Variants in KMT2B observed in about 807,000 individuals in gnomAD.
KMT2B encodes the protein lysine methyltransferase 2B.
In KMT2B, 22 loss-of-function variants were observed where a neutral mutation model predicts 255.3. That is an observed-to-expected ratio of 0.09 (90% CI 0.06 to 0.12). KMT2B has a LOEUF of 0.12. KMT2B is among the 10% of genes least tolerant of loss of function. The pLI is 1.00. For synonymous variants in KMT2B, 1,730 were observed against 1,498.1 expected, an observed-to-expected ratio of 1.15 and a Z score of -3.57; for missense variants, 3,149 against 3,737.0, an observed-to-expected ratio of 0.84 and a Z score of 4.10.
chr19:35,736,386 T>G (rs1191955485), intron 30 of KMT2B: 1 of 353,592 alleles, frequency 2.8e-6, no homozygotes, highest in South Asian at 5.8e-5. Flanking sequence ...ATGGGATGTA[T>G]GGTACACTGG....
In KMT2B at chr19:35,733,535, A is replaced by G; in HGVS notation, c.6959+27A>G. 1 of 1,554,002 alleles carries G rather than the reference A, an allele frequency of 6.4e-7. No homozygotes were observed. The highest frequency in any genetic ancestry group is 8.7e-7 in the Non-Finnish European group (1 of 1,148,772). The stretch of plus-strand genomic sequence containing the variant: ...TGAGTGCGGGTGCTGAGGCTGGCAG[A>G]GCAGGCAAGGGGGCAGATGGGCGGG... On this transcript the variant is annotated intron_variant, in intron 28 of 36. Transcript: ENST00000420124. This position sits in a 1 kb window ranked among gnomAD's most constrained non-coding sequence, Gnocchi z 4.3.
chr19:35,719,632 C>A, intron 2 of KMT2B, 91 bp downstream of exon 2: 2 of 1,499,658 alleles, frequency 1.3e-6, no homozygotes, highest in South Asian at 1.2e-5. Context: ...TAGCCTCTGT[C>A]AGTTGCCGAA....
rs371152795 is a variant in KMT2B at position 35,727,742 on chromosome 19, G to C, written c.4347G>C (p.Leu1449=). 2 of 1,613,750 alleles carry C rather than the reference G, an allele frequency of 1.2e-6. No individual in the cohort carries two copies. The highest frequency in any genetic ancestry group is 1.7e-6 in the Non-Finnish European group (2 of 1,179,900). The part of the protein sequence containing the change: ...GKQLHPGPCG[L]QAVSQRFEDG... Reference sequence around the variant, plus strand: ...AACTGCACCCAGGACCCTGCGGCCTGCAAGCTGTGAGTCAGCGCTTCGAGG... The same window carrying C: ...AACTGCACCCAGGACCCTGCGGCCTCCAAGCTGTGAGTCAGCGCTTCGAGG... The change falls in exon 17 of 37, where the codon CTG becomes CTC. Residue 1449 remains leucine (L), a synonymous_variant. Transcript: ENST00000420124. This position sits in a 1 kb window ranked among gnomAD's most constrained non-coding sequence, Gnocchi z 4.2.
Position 35,719,555 on chromosome 19 carries a change from G to A in KMT2B, c.436+14G>A. ...GATCCCAGCGAGGTGAGTGACGGGG[G>A]AACTCCACCTCTTTAGCGTCACAGG... On this transcript the variant is annotated intron_variant, in intron 2 of 36. Transcript: ENST00000420124. The A allele has an allele frequency of 1.9e-6, 3 of 1,580,570 alleles. No homozygotes were observed. Among genetic ancestry groups the A allele is most frequent in the African/African-American group, 1.4e-5 (1 of 74,072 alleles).
In KMT2B at chr19:35,720,183, C is replaced by T; in HGVS notation, c.836C>T (p.Pro279Leu). ...GGGCCCGGTCCAGGACCTGGGACCC[C>T]CAGGCGTGGAGGACAGTCAAGCCGT... ...KEGPGPGPGT[P>L]RRGGQSSRGG... The change falls in exon 3 of 37, where the codon CCC becomes CTC. Residue 279 changes from proline to leucine, a missense_variant. Pro to Leu is a moderately conservative substitution (Grantham distance 98). Coordinates refer to ENST00000420124, the MANE Select transcript of KMT2B (RefSeq NM_014727.3). 1.9e-6 allele frequency: 3 copies of T among 1,606,228 alleles called. No homozygotes were observed. The highest frequency in any genetic ancestry group is 1.7e-6 in the Non-Finnish European group (2 of 1,176,778).
rs1395958456 is a variant in KMT2B, at chr19:35,721,954, C to G, written c.2457+150C>G. On this transcript the variant is annotated intron_variant, in intron 3 of 36. Coordinates refer to ENST00000420124, the MANE Select transcript of KMT2B (RefSeq NM_014727.3). ...CTGTGATCCCCCACCTTCCTTTGTT[C>G]CTCCCCAGACCTGGCCCTTCTCTGT... 29 of 1,066,626 alleles carry G rather than the reference C, an allele frequency of 2.7e-5. No homozygotes were observed. The South Asian group carries it at 3.5e-4, about 13-fold the overall frequency. The allele number at this position is 1,066,626 out of a possible 1,614,324, so 66.1% of individuals were successfully genotyped here.
At chr19:35,730,264 C>T (rs780830369) in intron 23 of KMT2B, 78 bp from the exon 24 acceptor site, 97 of 1,601,528 alleles carry the variant, frequency 6.1e-5, no homozygotes, top group Non-Finnish European at 7.6e-5. Context: ...TTAGGCCAAG[C>T]CCCTGACTGT....
Position 35,738,680 on chromosome 19 carries a change from G to A in KMT2B, c.*123G>A. On this transcript the variant is annotated 3_prime_UTR_variant, in exon 37 of 37. Coordinates refer to ENST00000420124, the MANE Select transcript of KMT2B (RefSeq NM_014727.3). The surrounding 1 kb of genome is among the most constrained non-coding windows in gnomAD (Gnocchi z 8.7). ...CACCCCCACCCTCATGTTCAGGGTG[G>A]ATGTGGGCATGCAGGTGACAAGGGC... 1 of 1,141,918 alleles carries A rather than the reference G, an allele frequency of 8.8e-7. No homozygotes were observed. The highest frequency in any genetic ancestry group is 1.6e-5 in the South Asian group (1 of 63,004). 70.7% of individuals were successfully genotyped at this position (1,141,918 alleles called of 1,614,324 possible). A position where few individuals can be genotyped will look rare whatever the true frequency, so the allele number is the denominator to read the frequency against.
rs1969792797 is a variant in KMT2B, at chr19:35,733,319, C to T, written c.6770C>T (p.Pro2257Leu). ...GTCCGCCCTGCCCCGCCCCCGCCAC[C>T]CCCTCCCCTGACGCTGGTGCTGAGC... Reference protein sequence around the residue: ...GVVRPAPPPPPPPLTLVLSSG... With the variant: ...GVVRPAPPPPLPPLTLVLSSG... Residue 2257 changes from proline (P) to leucine (L), a missense_variant, in exon 28 of 37, where the codon CCC becomes CTC. Physicochemically the swap from Pro to Leu is moderately conservative, Grantham distance 98 (BLOSUM62 -3). Transcript: ENST00000420124. The surrounding 1 kb of genome is among the most constrained non-coding windows in gnomAD (Gnocchi z 4.3). 19 of 1,516,464 alleles carry T rather than the reference C, an allele frequency of 1.3e-5. No homozygotes were observed. The highest frequency in any genetic ancestry group is 1.7e-5 in the Non-Finnish European group (19 of 1,118,824). 93.9% of individuals were successfully genotyped at this position (1,516,464 alleles called of 1,614,324 possible).
intron 23 of KMT2B, 36 bp downstream of exon 23, chr19:35,730,161 C>T (rs749807025): frequency 3.1e-6 from 5 of 1,612,004 alleles, no homozygotes; most frequent in East Asian, 2.2e-5. Flanking sequence ...GTTCCTTCCC[C>T]ACCTCTCTTC....
In KMT2B at chr19:35,737,238, G is replaced by A; in HGVS notation, c.7525G>A (p.Ala2509Thr). 2 of 1,553,568 alleles carry A rather than the reference G, an allele frequency of 1.3e-6. No homozygotes were observed. Among genetic ancestry groups the A allele is most frequent in the Non-Finnish European group, 1.7e-6 (2 of 1,150,064 alleles). Residue 2509 changes from alanine to threonine, a missense_variant, in exon 33 of 37, where the codon GCT (alanine) becomes ACT (threonine). Around this residue, in one of 18 missense-constraint regions of KMT2B, gnomAD observed 103 missense variants for 200.7 expected, o/e 0.51. Transcript: ENST00000420124. The surrounding 1 kb of genome is among the most constrained non-coding windows in gnomAD (Gnocchi z 5.3). ...GGAGCCGCCCCTGAATCCCCATGGG[G>A]CTGCTCGGGCAGAGGTCTATCTCCG... ...QEEPPLNPHG[A>T]ARAEVYLRKC...
At chr19:35,722,757 A>T (rs1466443722) in intron 5 of KMT2B, 39 bp downstream of exon 5, 1 of 1,548,288 alleles carries the variant, frequency 6.5e-7, no homozygotes, top group Non-Finnish European at 8.7e-7. Context: ...AGGTTTGGGG[A>T]TGACCCCACA....
In KMT2B at chr19:35,732,408, T is replaced by G. The variant is rs747947818; in HGVS notation, c.5859T>G (p.Pro1953=). ...CCTCAGTCGTCACAGCCCTCACACC[T>G]ACCTCAGGGGAGCTGGCTCCCCCTG... ...PPTSVVTALT[P]TSGELAPPGP... Residue 1953 remains proline, a synonymous_variant, in exon 28 of 37, where the codon CCT becomes CCG. Transcript: ENST00000420124. The G allele has an allele frequency of 3.1e-6, 5 of 1,613,254 alleles. No homozygotes were observed. The highest frequency in any genetic ancestry group is 4.2e-6 in the Non-Finnish European group (5 of 1,179,588).
chr19:35,730,321 C>G (rs762855179), intron 23 of KMT2B, 21 bp from the exon 24 acceptor site: 1 of 1,609,032 alleles, frequency 6.2e-7, no homozygotes, highest in South Asian at 1.1e-5. Context: ...AGCCACCTCA[C>G]TTTGCCACCC....
At chr19:35,730,902 G>A (rs770743977) in intron 26 of KMT2B, 35 bp downstream of exon 26, 19 of 1,549,190 alleles carry the variant, frequency 1.2e-5, no homozygotes, top group South Asian at 7.2e-5. Context: ...CCTGAATACC[G>A]CTCTCCCTAA....
intron 13 of KMT2B, 73 bp from the exon 14 acceptor site, chr19:35,726,163 C>A: frequency 8.8e-7 from 1 of 1,140,900 alleles, no homozygotes; most frequent in Non-Finnish European, 1.3e-6. Flanking sequence ...CCCAATTCCT[C>A]CTCGCCCGTC....
At chr19:35,724,898 G>GATCA in intron 9 of KMT2B, 91 bp from the exon 10 acceptor site, 1 of 1,173,750 alleles carries the variant, frequency 8.5e-7, no homozygotes, top group Non-Finnish European at 1.3e-6. Flanking sequence ...TCAGGGTCTG[G>GATCA]GTCCAGTAGG....
At chr19:35,730,191 C>A (rs1390381310) in intron 23 of KMT2B, 66 bp downstream of exon 23, 2 of 1,606,142 alleles carry the variant, frequency 1.2e-6, no homozygotes, top group Non-Finnish European at 1.7e-6. Context: ...TAGGGACCCC[C>A]GTGGCCCCCA....
chr19:35,731,878 C>A, intron 26 of KMT2B, 30 bp from the exon 27 acceptor site: 1 of 1,528,742 alleles, frequency 6.5e-7, no homozygotes, highest in Non-Finnish European at 9.1e-7. Flanking sequence ...AGAGCCCCTA[C>A]CACCCCAATG....
Sources: allele counts gnomAD v4.1 joint callset, GRCh38; gene constraint gnomAD v4.1.1; regional missense constraint gnomAD v4.1.1; non-coding constraint Gnocchi (gnomAD v3.1); transcripts MANE v1.5; gene names NCBI Gene and HGNC (gene_info 2026-07-23, HGNC 2026-07-21).